NYAP2: variants seen among roughly 807,000 people sequenced by gnomAD.
NYAP2 encodes the protein neuronal tyrosine-phosphorylated phosphoinositide-3-kinase adapter 2.
A neutral mutation model predicts 50.4 loss-of-function variants in NYAP2; 23 were observed. The ratio of observed to expected loss-of-function variants is 0.46; its 90% CI spans 0.33 to 0.65. The LOEUF (loss-of-function observed/expected upper bound fraction) is 0.65. NYAP2 is among the 30% of genes least tolerant of loss of function. The pLI is 0.02. For missense variants in NYAP2, 885 were observed against 861.0 expected (o/e 1.03, Z -0.35); for synonymous variants, 394 against 365.2 (o/e 1.08, Z -0.90).
At chr2:225,422,511 A>G (rs1412279215) in intron 3 of NYAP2, among the ~76,000 whole-genome samples, 6 of 152,296 alleles carry the variant, frequency 3.9e-5, no homozygotes, top group South Asian at 4.1e-4. Context: ...GTCTGTCTGA[A>G]TGAACACCAC....
chr2:225,577,689 C>A (rs1441259362), intron 4 of NYAP2, among the ~76,000 whole-genome samples: 1 of 151,932 alleles, frequency 6.6e-6, no homozygotes, highest in African/African-American at 2.4e-5. Context: ...TTATTGGAAA[C>A]AAATTTGTTT....
chr2:225,697,740 A>G, the NYAP2 span, among the ~76,000 whole-genome samples: 1 of 152,008 alleles, frequency 6.6e-6, no homozygotes, highest in African/African-American at 2.4e-5. Flanking sequence ...TTTTCATATC[A>G]TGAACTTTCA....
At position 225,632,962 on chromosome 2, in the gene NYAP2, C is replaced by T. The variant is rs73090870; in HGVS notation, c.1828+5836C>T. ...TCATTATTATCTACTGCTTACTATA[C>T]GTTTAAAATCATTCAGAGAACAATT... On this transcript the variant is annotated intron_variant, in intron 6 of 6. Coordinates refer to ENST00000636099, the Ensembl canonical transcript of NYAP2. Among the ~76,000 whole-genome samples the T allele has an allele frequency of 9.8e-3, 1,486 of 152,208 alleles. 35 individuals are homozygous for T. Among genetic ancestry groups the T allele is most frequent in the African/African-American group, 0.034 (1,428 of 41,534 alleles).
At chr2:225,655,917 CACACACACACAT>C (rs879731275), downstream of NYAP2, among the ~76,000 whole-genome samples, 5,409 of 147,312 alleles carry the variant, frequency 0.037, 108 homozygotes, top group Non-Finnish European at 0.054. Flanking sequence ...CACACACACA[CACACACACACAT>C]ACACACATAC....
chr2:225,695,129 A>C, the NYAP2 span, among the ~76,000 whole-genome samples: 6 of 151,766 alleles, frequency 4.0e-5, no homozygotes, highest in Admixed American at 1.3e-4. Context: ...ACACCTCTAT[A>C]GCATTTCTGC....
At chr2:225,581,514 G>A (rs1205059633) in intron 4 of NYAP2, among the ~76,000 whole-genome samples, 1 of 152,134 alleles carries the variant, frequency 6.6e-6, no homozygotes, top group Non-Finnish European at 1.5e-5. Context: ...GTAAAACAGT[G>A]CAATCTGTAT....
intron 3 of NYAP2, among the ~76,000 whole-genome samples, chr2:225,477,159 T>C (rs1445834600): frequency 6.6e-6 from 1 of 151,784 alleles, no homozygotes; most frequent in African/African-American, 2.4e-5. Flanking sequence ...CAAACTTTAC[T>C]GTGCATGTAA....
intron 4 of NYAP2, among the ~76,000 whole-genome samples, chr2:225,576,052 C>G (rs971927682): frequency 1.3e-5 from 2 of 152,020 alleles, no homozygotes; most frequent in South Asian, 4.2e-4. Context: ...GATTAAAGTC[C>G]CTTGTTGTAT....
intron 5 of NYAP2, among the ~76,000 whole-genome samples, chr2:225,613,085 C>T (rs1008162292): frequency 7.2e-5 from 11 of 152,076 alleles, no homozygotes; most frequent in African/African-American, 1.2e-4. Context: ...AATTACGAGG[C>T]GAAGTCTCAC....
At position 225,582,702 on chromosome 2, in the gene NYAP2, T is replaced by C. The variant is rs776448171; in HGVS notation, c.1285T>C (p.Tyr429His). The change falls in exon 5 of 7, where the codon TAC becomes CAC. Residue 429 changes from tyrosine (Y) to histidine (H), a missense_variant. Physicochemically the swap from Tyr to His is moderately conservative, Grantham distance 83 (BLOSUM62 2). Coordinates refer to ENST00000636099, the Ensembl canonical transcript of NYAP2. This position sits in a 1 kb window ranked among gnomAD's most constrained non-coding sequence, Gnocchi z 7.0. ...GTACCGAACCCAGTCTCCCCATGGC[T>C]ACCCTAAAAGTCACTCCACCTCTCC... 6.2e-7 allele frequency: 1 copy of C among 1,606,198 alleles called. No individual in the cohort carries two copies.
intron 3 of NYAP2, among the ~76,000 whole-genome samples, chr2:225,466,939 A>T (rs567514611): frequency 1.6e-4 from 24 of 152,350 alleles, no homozygotes; most frequent in African/African-American, 5.5e-4. Flanking sequence ...GCTTTAGAGC[A>T]GGAACAAAAG....
chr2:225,509,958 T>G (rs1690782536), intron 3 of NYAP2, among the ~76,000 whole-genome samples: 1 of 152,142 alleles, frequency 6.6e-6, no homozygotes, highest in South Asian at 2.1e-4. Flanking sequence ...AGCTTGACCA[T>G]AAGATTGGTT....
chr2:225,551,142 A>G (rs1691667267), intron 4 of NYAP2, among the ~76,000 whole-genome samples: 1 of 152,208 alleles, frequency 6.6e-6, no homozygotes, highest in Non-Finnish European at 1.5e-5. Flanking sequence ...TTTAGAAAAT[A>G]GAAGAAACCT....
At chr2:225,674,889 T>C in the NYAP2 span, among the ~76,000 whole-genome samples, 30,779 of 151,980 alleles carry the variant, frequency 0.2, 3,520 homozygotes, top group African/African-American at 0.31. Flanking sequence ...TTGAATGTTA[T>C]ATTTCCAGTA....
intron 3 of NYAP2, among the ~76,000 whole-genome samples, chr2:225,456,953 T>C (rs1689748323): frequency 6.6e-6 from 1 of 152,300 alleles, no homozygotes; most frequent in African/African-American, 2.4e-5. Context: ...TATCTGTGTT[T>C]TACTGTGCTC....
Position 225,651,553 on chromosome 2 carries a change from C to T in NYAP2, c.1950C>T (p.Ala650=). ...AGAGCCAGGTACCATCATCGTTAGC[C>T]AATCGTGATTGACTTCCTGTGATAC... Residue 650 remains alanine (A), a synonymous_variant, in exon 7 of 7, where the codon GCC becomes GCT. Transcript: ENST00000636099. 1.2e-6 allele frequency: 2 copies of T among 1,613,892 alleles called. No individual in the cohort carries two copies. Among genetic ancestry groups the T allele is most frequent in the Non-Finnish European group, 1.7e-6 (2 of 1,179,850 alleles).
chr2:225,585,235 A>T (rs1353755163), intron 5 of NYAP2, among the ~76,000 whole-genome samples: 2 of 152,378 alleles, frequency 1.3e-5, no homozygotes, highest in African/African-American at 4.8e-5. Flanking sequence ...ATTTAAAAAT[A>T]CATAATGGGT....
chr2:225,636,890 A>G lies in NYAP2; in HGVS notation c.1828+9764A>G, dbSNP rs181545590. Among the ~76,000 whole-genome samples, 27 of 152,288 alleles carry G rather than the reference A, an allele frequency of 1.8e-4. No homozygotes were observed. The East Asian group carries it at 4.6e-3, about 26-fold the overall frequency. ...TAGCAGAACCATCTACTTGACCCAC[A>G]TTTGACTAAAGATGCATGAGTGAGC... On this transcript the variant is annotated intron_variant, in intron 6 of 6. Transcript: ENST00000636099.
Position 225,582,524 on chromosome 2 carries a change from G to A in NYAP2, c.1107G>A (p.Val369=), listed in dbSNP as rs1360767901. 6.4e-7 allele frequency: 1 copy of A among 1,567,552 alleles called. No individual in the cohort carries two copies. The highest frequency in any genetic ancestry group is 1.4e-5 in the African/African-American group (1 of 73,294). ...CGAAGCTTCCCGTGCTGGAAAACGT[G>A]TCTTACATGAAACAGCCAGCCGGGG... The change falls in exon 5 of 7, where the codon GTG becomes GTA. Residue 369 remains valine, a synonymous_variant. Coordinates refer to ENST00000636099, the Ensembl canonical transcript of NYAP2. The surrounding 1 kb of genome is among the most constrained non-coding windows in gnomAD (Gnocchi z 7.0).
Sources: gnomAD v4.1 joint callset for allele counts (sites outside exome capture counted in the v4.1 genomes callset) on GRCh38, gnomAD v4.1.1 for gene constraint, Gnocchi (gnomAD v3.1) non-coding constraint, MANE v1.5 for transcripts, NCBI Gene and HGNC (gene_info 2026-07-23, HGNC 2026-07-21) for gene names.